RNF144A: variants seen among roughly 807,000 people sequenced by gnomAD.
RNF144A encodes ring finger protein 144A, also known as E3 ubiquitin-protein ligase RNF144A.
Under a neutral mutation model 38.7 loss-of-function variants are expected in RNF144A, and 11 were observed. The ratio of observed to expected loss-of-function variants is 0.28; its 90% confidence interval spans 0.18 to 0.47. The LOEUF (loss-of-function observed/expected upper bound fraction) is 0.47. Among genes scored for constraint, RNF144A ranks in the 20% least tolerant of loss-of-function variants. The probability of loss-of-function intolerance (pLI) is 0.99; values close to 1 mark genes in which losing one functional copy is unlikely to be tolerated. For missense variants in RNF144A, 316 were observed against 377.2 expected, an observed-to-expected ratio of 0.84 and a Z score of 1.34; for synonymous variants, 149 against 143.9, an observed-to-expected ratio of 1.04 and a Z score of -0.25.
intron 8 of RNF144A, among the ~76,000 whole-genome samples, chr2:7,034,073 G>A (rs1177067544): frequency 6.6e-6 from 1 of 152,180 alleles, no homozygotes; most frequent in Non-Finnish European, 1.5e-5. Flanking sequence ...GGAGAAGGTG[G>A]AAGTGGATGA....
chr2:6,954,189 A>T (rs1666860375), intron 2 of RNF144A, among the ~76,000 whole-genome samples: 1 of 151,906 alleles, frequency 6.6e-6, no homozygotes, highest in Non-Finnish European at 1.5e-5. Context: ...TATGACTTTA[A>T]TATATTTGGA....
At chr2:7,046,436 A>G (rs1673310401), downstream of RNF144A, among the ~76,000 whole-genome samples, 1 of 152,244 alleles carries the variant, frequency 6.6e-6, no homozygotes, top group African/African-American at 2.4e-5. Flanking sequence ...CTTCCCGTGC[A>G]TGTGACAGCC....
At chr2:6,960,167 G>A (rs1041200838) in intron 2 of RNF144A, among the ~76,000 whole-genome samples, 1 of 152,242 alleles carries the variant, frequency 6.6e-6, no homozygotes, top group Non-Finnish European at 1.5e-5. Flanking sequence ...AGTAAACTGT[G>A]TTGTTCAGTG....
intron 3 of RNF144A, among the ~76,000 whole-genome samples, chr2:7,002,474 G>T (rs181119524): frequency 1.4e-4 from 21 of 152,296 alleles, no homozygotes; most frequent in Admixed American, 1.2e-3. Flanking sequence ...AGGGGCATTT[G>T]AACTATTTCC....
At chr2:6,923,623 G>A (rs1331817324) in intron 1 of RNF144A, among the ~76,000 whole-genome samples, 1 of 152,168 alleles carries the variant, frequency 6.6e-6, no homozygotes, top group Admixed American at 6.5e-5. Context: ...CTGTGGAGAT[G>A]CTCTCCTCTG....
chr2:7,003,868 G>A (rs1229409643), intron 3 of RNF144A, among the ~76,000 whole-genome samples: 1 of 152,196 alleles, frequency 6.6e-6, no homozygotes, highest in African/African-American at 2.4e-5. Context: ...CCACTTTTCT[G>A]CACGCTTTGT....
chr2:6,921,719 G>A (rs534135026), intron 1 of RNF144A, among the ~76,000 whole-genome samples: 1 of 152,206 alleles, frequency 6.6e-6, no homozygotes, highest in African/African-American at 2.4e-5. Flanking sequence ...AGAGAGCAGT[G>A]GGACCCACAG....
chr2:6,926,219 G>T (rs1664856240), intron 1 of RNF144A, among the ~76,000 whole-genome samples: 1 of 152,242 alleles, frequency 6.6e-6, no homozygotes, highest in Non-Finnish European at 1.5e-5. Flanking sequence ...AGAGGAGGGG[G>T]AGTTGGTGTC....
chr2:6,959,001 CT>C (rs1183481061), intron 2 of RNF144A, among the ~76,000 whole-genome samples: 5 of 152,224 alleles, frequency 3.3e-5, no homozygotes, highest in African/African-American at 1.2e-4. Context: ...CCGGGGCTTG[CT>C]CCCCTGATCA....
chr2:6,985,026 G>A (rs921360225), intron 2 of RNF144A, among the ~76,000 whole-genome samples: 7 of 152,074 alleles, frequency 4.6e-5, no homozygotes, highest in Non-Finnish European at 1.0e-4. Flanking sequence ...GCTCTCTTCT[G>A]TTCACTGACC....
At position 6,996,780 on chromosome 2, in the gene RNF144A, T is replaced by C. The variant is rs1408153457; in HGVS notation, c.-11-136T>C. 9 of 839,034 alleles carry C rather than the reference T, an allele frequency of 1.1e-5. No individual in the cohort carries two copies. In the African/African-American group the frequency reaches 1.2e-4, roughly 11 times the overall value. The allele number at this position is 839,034 out of a possible 1,614,324, so 52.0% of individuals were successfully genotyped here. On this transcript the variant is annotated intron_variant, in intron 2 of 8. Transcript: ENST00000320892. ...AAAAAACCAAAAAATTCTCAGAACA[T>C]CCAGATGCTCTAGGCTCCATCAGCA...
At position 7,051,803 on chromosome 2, in the gene RNF144A, C is replaced by T. The variant is rs574756455; in HGVS notation, c.735-16413C>T. 6.6e-5 allele frequency among the ~76,000 whole-genome samples: 10 copies of T among 152,268 alleles called. No individual in the cohort carries two copies. The East Asian group carries it at 1.4e-3, about 21-fold the overall frequency. On this transcript the variant is annotated intron_variant, in intron 6 of 6. Coordinates refer to the RNF144A transcript ENST00000432850. ...ACTTGGGAGGCTGAGGCAGGAGAAT[C>T]GCTTGAATCCAAGAGTGTGGCTCCC...
intron 3 of RNF144A, among the ~76,000 whole-genome samples, chr2:7,012,868 G>T (rs962122397): frequency 6.6e-6 from 1 of 152,208 alleles, no homozygotes; most frequent in Non-Finnish European, 1.5e-5. Flanking sequence ...TTGGTAAAAT[G>T]TAGATGATCT....
chr2:7,042,199 G>A lies in RNF144A; in HGVS notation c.*2439G>A. On this transcript the variant is annotated 3_prime_UTR_variant, in exon 9 of 9. Coordinates refer to ENST00000320892, the MANE Select transcript of RNF144A (RefSeq NM_014746.6). ...GCATTTCCTTCTGTTTTAGTAAGGA[G>A]TGCCAGACTTATCTTTGATGGGAAT... The A allele has an allele frequency of 2.0e-6, 2 of 985,410 alleles. No individual in the cohort carries two copies. The highest frequency in any genetic ancestry group is 1.7e-5 in the African/African-American group (1 of 57,340). 61.0% of individuals were successfully genotyped at this position (985,410 alleles called of 1,614,324 possible).
intron 3 of RNF144A, among the ~76,000 whole-genome samples, chr2:6,999,750 T>C: frequency 6.6e-6 from 1 of 152,202 alleles, no homozygotes; most frequent in Admixed American, 6.5e-5. Flanking sequence ...CCTAGTTCTT[T>C]CTCATTTTGC....
intron 2 of RNF144A, among the ~76,000 whole-genome samples, chr2:6,974,599 G>A (rs1031648890): frequency 6.6e-6 from 1 of 152,000 alleles, no homozygotes; most frequent in Non-Finnish European, 1.5e-5. Context: ...CTCCCTGAAA[G>A]GCTGGCACTG....
At chr2:6,922,710 C>T (rs1196747166) in intron 1 of RNF144A, among the ~76,000 whole-genome samples, 1 of 151,512 alleles carries the variant, frequency 6.6e-6, no homozygotes, top group Non-Finnish European at 1.5e-5. Flanking sequence ...CTGCAAGCTC[C>T]GCCTCCTGGG....
In RNF144A at chr2:7,043,941, T is replaced by C. The variant is rs926712442; in HGVS notation, c.*4181T>C. On this transcript the variant is annotated 3_prime_UTR_variant, in exon 9 of 9. Coordinates refer to ENST00000320892, the MANE Select transcript of RNF144A (RefSeq NM_014746.6). ...GGTGGTGAAACAAAATCAAAACAGA[T>C]TTGATTTGTGTTTTTGAAATGTCAG... 6.8e-5 allele frequency: 67 copies of C among 985,724 alleles called. No individual in the cohort carries two copies. Among genetic ancestry groups the C allele is most frequent in the Non-Finnish European group, 7.6e-5 (63 of 829,934 alleles). 61.1% of individuals were successfully genotyped at this position (985,724 alleles called of 1,614,324 possible).
chr2:6,986,735 C>A (rs1668986954), intron 2 of RNF144A, among the ~76,000 whole-genome samples: 1 of 152,032 alleles, frequency 6.6e-6, no homozygotes, highest in Admixed American at 6.6e-5. Context: ...ATGTCCCTAG[C>A]AAAAGTGTTG....
Sources: gnomAD v4.1 joint callset for allele counts (sites outside exome capture counted in the v4.1 genomes callset) on GRCh38, gnomAD v4.1.1 for gene constraint, MANE v1.5 for transcripts, NCBI Gene and HGNC (gene_info 2026-07-23, HGNC 2026-07-21) for gene names.